Variants in NCBP1 observed in about 807,000 individuals in gnomAD.
NCBP1 encodes nuclear cap binding protein subunit 1, also known as nuclear cap-binding protein subunit 1.
In NCBP1, 16 loss-of-function variants were observed where a neutral mutation model predicts 111.7. The ratio of observed to expected loss-of-function variants is 0.14; its 90% CI spans 0.10 to 0.22. The LOEUF is 0.22. Ranked by LOEUF, NCBP1 falls within the 10% of genes least tolerant of loss-of-function variation. The pLI, the probability that NCBP1 is intolerant of heterozygous loss-of-function variation, is 1.00. For synonymous variants in NCBP1, 304 were observed against 314.3 expected (o/e 0.97, Z 0.35); for missense variants, 607 against 957.5 (o/e 0.63, Z 4.83).
chr9:97,669,551 A>G (rs371579038), intron 21 of NCBP1, 42 bp from the exon 22 acceptor site: 19 of 1,390,116 alleles, frequency 1.4e-5, no homozygotes, highest in Middle Eastern at 3.6e-4. Context: ...AAAGTATAAG[A>G]TTCTGTCTGT....
intron 1 of NCBP1, among the ~76,000 whole-genome samples, chr9:97,636,550 TAAG>T (rs1291969233): frequency 6.9e-6 from 1 of 145,220 alleles, no homozygotes; most frequent in Non-Finnish European, 1.5e-5. Context: ...TTGTTTATTA[TAAG>T]TTTTATATAA....
chr9:97,647,951 ATT>A, intron 7 of NCBP1, 55 bp from the exon 8 acceptor site: 1 of 1,390,312 alleles, frequency 7.2e-7, no homozygotes, highest in African/African-American at 1.5e-5. Context: ...TGATTTTTTC[ATT>A]TTGTCTAGTC....
At chr9:97,633,975 C>G (rs1216071933) in intron 1 of NCBP1, 60 bp downstream of exon 1, 15 of 1,507,060 alleles carry the variant, frequency 1.0e-5, no homozygotes, top group Non-Finnish European at 1.3e-5. Context: ...GGCTCGGCGT[C>G]TTTGGGTGTC....
intron 8 of NCBP1, among the ~76,000 whole-genome samples, chr9:97,650,226 A>G (rs1827461372): frequency 1.3e-5 from 2 of 152,192 alleles, no homozygotes; most frequent in Admixed American, 6.5e-5. Context: ...ATTATCCAAA[A>G]TTATTTAGTT....
intron 12 of NCBP1, 38 bp from the exon 13 acceptor site, chr9:97,655,664 T>C (rs1470604336): frequency 7.2e-6 from 11 of 1,534,054 alleles, no homozygotes; most frequent in Admixed American, 1.9e-5. Context: ...CCAGTTATTC[T>C]TCCTTTTTCT....
intron 4 of NCBP1, among the ~76,000 whole-genome samples, 186 bp downstream of exon 4, chr9:97,643,546 T>A (rs1827257854): frequency 6.6e-6 from 1 of 152,120 alleles, no homozygotes; most frequent in Non-Finnish European, 1.5e-5. Context: ...TCTCCTGAGC[T>A]CCAGTCCAGT....
intron 13 of NCBP1, 79 bp from the exon 14 acceptor site, chr9:97,655,932 G>A (rs539497804): frequency 7.0e-7 from 1 of 1,428,740 alleles, no homozygotes; most frequent in Non-Finnish European, 9.7e-7. Context: ...GTTGTTATAA[G>A]TTAACAGATA....
intron 3 of NCBP1, among the ~76,000 whole-genome samples, chr9:97,642,258 T>G (rs564709902): frequency 1.3e-5 from 2 of 152,248 alleles, no homozygotes; most frequent in Non-Finnish European, 2.9e-5. Flanking sequence ...TGGAGTAGTA[T>G]TTACACTTAA....
intron 10 of NCBP1, among the ~76,000 whole-genome samples, chr9:97,652,019 T>G (rs1347798318): frequency 6.6e-6 from 1 of 152,250 alleles, no homozygotes; most frequent in African/African-American, 2.4e-5. Context: ...TTTTTTTTTT[T>G]TCCAAATGGA....
chr9:97,658,851 A>T lies in NCBP1; in HGVS notation c.1477+108A>T, dbSNP rs559473456. The T allele has an allele frequency of 1.3e-5, 11 of 824,210 alleles. No homozygotes were observed. The South Asian group carries it at 1.5e-4, about 11-fold the overall frequency. 51.1% of individuals were successfully genotyped at this position (824,210 alleles called of 1,614,324 possible). A position where few individuals can be genotyped will look rare whatever the true frequency, so the allele number is the denominator to read the frequency against. ...TGAACTTTTTCTTTTCTTGGGGTTTATATTTCCTGTATTTGAAAGGTGGTC... is the reference window on the plus strand; with the variant it reads ...TGAACTTTTTCTTTTCTTGGGGTTTTTATTTCCTGTATTTGAAAGGTGGTC... On this transcript the variant is annotated intron_variant, in intron 15 of 22. Coordinates refer to ENST00000375147, the MANE Select transcript of NCBP1 (RefSeq NM_002486.5).
chr9:97,669,072 A>G (rs992657009), intron 21 of NCBP1, 98 bp downstream of exon 21: 12 of 1,330,020 alleles, frequency 9.0e-6, no homozygotes, highest in African/African-American at 1.5e-5. Flanking sequence ...AGGAATACAC[A>G]TTCATTTATA....
chr9:97,636,639 T>TAC (rs1374827496), intron 1 of NCBP1, among the ~76,000 whole-genome samples: 1 of 21,768 alleles, frequency 4.6e-5, no homozygotes, highest in East Asian at 7.4e-4. Context: ...AAGTAATACA[T>TAC]ATATATATAT....
chr9:97,641,213 A>C (rs1436038175), intron 2 of NCBP1, among the ~76,000 whole-genome samples: 1 of 152,120 alleles, frequency 6.6e-6, no homozygotes, highest in Non-Finnish European at 1.5e-5. Context: ...AAGAGGTAAA[A>C]TGGAGCCCAT....
Position 97,641,544 on chromosome 9 carries a change from A to G in NCBP1, c.124-18A>G, listed in dbSNP as rs1401630643. 6.4e-7 allele frequency: 1 copy of G among 1,551,270 alleles called. No individual in the cohort carries two copies. The highest frequency in any genetic ancestry group is 8.7e-7 in the Non-Finnish European group (1 of 1,144,834). ...TTGCTGAGTACTTGACAGATATTTA[A>G]TGTGATGTCCTCTACAGAGTGCCTG... is the stretch of plus-strand genomic sequence containing the variant. On this transcript the variant is annotated intron_variant, in intron 2 of 22. Transcript: ENST00000375147.
At chr9:97,655,976 A>G (rs747465270) in intron 13 of NCBP1, 35 bp from the exon 14 acceptor site, 1 of 1,570,794 alleles carries the variant, frequency 6.4e-7, no homozygotes, top group Non-Finnish European at 8.8e-7. Context: ...TGCAGATTAT[A>G]TGTAAGCATT....
rs1827378353 is a variant in NCBP1, at chr9:97,647,529, T to C, written c.649T>C (p.Trp217Arg). ...QKTHVPMLQVWTADKPHPQEE... is the reference protein window; with the variant it reads ...QKTHVPMLQVRTADKPHPQEE... ...GACTCATGTACCCATGTTACAGGTA[T>C]GGACTGCTGATAAACCACATCCACA... is the stretch of plus-strand genomic sequence containing the variant. Residue 217 changes from tryptophan (W) to arginine (R), a missense_variant, in exon 7 of 23, where the codon TGG becomes CGG. Trp to Arg is a moderately radical substitution (Grantham distance 101). Transcript: ENST00000375147. The C allele has an allele frequency of 6.2e-7, 1 of 1,612,070 alleles. No individual in the cohort carries two copies. The highest frequency in any genetic ancestry group is 8.5e-7 in the Non-Finnish European group (1 of 1,178,338).
intron 20 of NCBP1, among the ~76,000 whole-genome samples, chr9:97,667,811 G>A (rs1399278493): frequency 2.0e-5 from 3 of 152,182 alleles, no homozygotes; most frequent in Non-Finnish European, 4.4e-5. Context: ...CAGTAGTAAC[G>A]TGTGGTTGCG....
intron 9 of NCBP1, among the ~76,000 whole-genome samples, chr9:97,651,012 G>C (rs569712524): frequency 6.6e-6 from 1 of 151,880 alleles, no homozygotes; most frequent in Admixed American, 6.6e-5. Flanking sequence ...AATGAATATA[G>C]TATTATGAGA....
intron 1 of NCBP1, among the ~76,000 whole-genome samples, chr9:97,639,635 G>A (rs1015772538): frequency 4.6e-5 from 7 of 152,062 alleles, no homozygotes; most frequent in African/African-American, 1.4e-4. Flanking sequence ...TCCATATGCC[G>A]ACCAAATAAT....
Sources: gnomAD v4.1 joint callset for allele counts (sites outside exome capture counted in the v4.1 genomes callset) on GRCh38, gnomAD v4.1.1 for gene constraint, MANE v1.5 for transcripts, NCBI Gene and HGNC (gene_info 2026-07-23, HGNC 2026-07-21) for gene names.